The following SCEL variants were observed in gnomAD, a reference collection of about 807,000 sequenced individuals.
The protein encoded by SCEL is sciellin.
SCEL carries 113 observed loss-of-function variants against 117.6 expected under a neutral mutation model. The ratio of observed to expected loss-of-function variants is 0.96; its 90% CI spans 0.83 to 1.12. The LOEUF (loss-of-function observed/expected upper bound fraction) is 1.12. Ranked by LOEUF, SCEL falls within the 50% of genes most tolerant of loss-of-function variation. The probability of loss-of-function intolerance (pLI) is 0.00; values close to 1 mark genes in which losing one functional copy is unlikely to be tolerated. For synonymous variants in SCEL, 270 were observed against 256.2 expected, an observed-to-expected ratio of 1.05 and a Z score of -0.51; for missense variants, 785 against 810.8, an observed-to-expected ratio of 0.97 and a Z score of 0.39.
intron 12 of SCEL, among the ~76,000 whole-genome samples, chr13:77,596,109 G>C (rs1040795928): frequency 3.9e-5 from 6 of 152,148 alleles, no homozygotes; most frequent in African/African-American, 1.4e-4. Flanking sequence ...GAGGTGGGCA[G>C]ATCACCTGAG....
At chr13:77,632,257 C>T (rs759665691) in intron 28 of SCEL, among the ~76,000 whole-genome samples, 9 of 152,218 alleles carry the variant, frequency 5.9e-5, no homozygotes, top group Non-Finnish European at 1.0e-4. Context: ...ATTTTGCAAA[C>T]TGGTGATTTT....
intron 32 of SCEL, 139 bp downstream of exon 32, chr13:77,642,947 C>T (rs549923543): frequency 8.6e-5 from 42 of 489,904 alleles, no homozygotes; most frequent in Middle Eastern, 1.1e-3. Flanking sequence ...GATATTTATA[C>T]TATGGTAGTA....
chr13:77,548,613 G>T (rs2084124528), intron 1 of SCEL, among the ~76,000 whole-genome samples: 1 of 152,252 alleles, frequency 6.6e-6, no homozygotes, highest in Admixed American at 6.5e-5. Flanking sequence ...ACCTTGAGTT[G>T]TAAGAATTCC....
chr13:77,556,275 G>A (rs2084651337), intron 2 of SCEL, among the ~76,000 whole-genome samples: 1 of 152,106 alleles, frequency 6.6e-6, no homozygotes, highest in Admixed American at 6.5e-5. Flanking sequence ...TATTTCTTAT[G>A]GGGTAAAAAG....
At chr13:77,590,680 G>GT (rs980614766) in intron 10 of SCEL, among the ~76,000 whole-genome samples, 3 of 151,980 alleles carry the variant, frequency 2.0e-5, no homozygotes, top group African/African-American at 7.2e-5. Context: ...CAACTTGCAT[G>GT]TTTTTTTAAA....
chr13:77,634,706 T>A (rs1047382601), intron 29 of SCEL, among the ~76,000 whole-genome samples: 26 of 152,218 alleles, frequency 1.7e-4, no homozygotes, highest in African/African-American at 6.3e-4. Context: ...GGTTGCCATT[T>A]GAAAGTTCTC....
In SCEL at chr13:77,591,361, T is replaced by C. The variant is rs773829555; in HGVS notation, c.627-34T>C. ...ATTTATCAAAAAGTGTTTTCTTTTC[T>C]GACTGATATAATCTTCTAACTTTGA... On this transcript the variant is annotated intron_variant, in intron 10 of 32. Transcript: ENST00000349847. 6 of 1,278,712 alleles carry C rather than the reference T, an allele frequency of 4.7e-6. No individual in the cohort carries two copies. In the East Asian group the frequency reaches 6.9e-5, roughly 15 times the overall value. 79.2% of individuals were successfully genotyped at this position (1,278,712 alleles called of 1,614,324 possible). A position where few individuals can be genotyped will look rare whatever the true frequency, so the allele number is the denominator to read the frequency against.
chr13:77,572,210 G>GT, intron 9 of SCEL, 21 bp downstream of exon 9: 1 of 1,559,478 alleles, frequency 6.4e-7, no homozygotes, highest in East Asian at 2.2e-5. Context: ...GGTGTCAGGC[G>GT]TAATTGCTGT....
chr13:77,625,583 A>G (rs1457113053), intron 27 of SCEL, among the ~76,000 whole-genome samples: 1 of 152,198 alleles, frequency 6.6e-6, no homozygotes, highest in African/African-American at 2.4e-5. Context: ...AAAGTAATTT[A>G]CCCTAATTTC....
At chr13:77,596,594 G>T (rs867369004) in intron 12 of SCEL, among the ~76,000 whole-genome samples, 1 of 152,022 alleles carries the variant, frequency 6.6e-6, no homozygotes, top group African/African-American at 2.4e-5. Context: ...GTCCTGGATC[G>T]TACTCCATGT....
rs181361798 is a variant in SCEL, at chr13:77,549,114, T to C, written c.-19-6743T>C. ...ACCAGATCATATGGTAGTTCTACTT[T>C]TAGTTTTTTGAGAAATGTTCATACT... On this transcript the variant is annotated intron_variant, in intron 1 of 32. Transcript: ENST00000349847. Among the ~76,000 whole-genome samples, 20 of 152,316 alleles carry C rather than the reference T, an allele frequency of 1.3e-4. 1 individual carries two copies. In the East Asian group the frequency reaches 3.3e-3, roughly 25 times the overall value.
At position 77,556,697 on chromosome 13, in the gene SCEL, C is replaced by T. The variant is rs750532844; in HGVS notation, c.145C>T (p.Arg49Cys). 103 of 1,612,824 alleles carry T rather than the reference C, an allele frequency of 6.4e-5. No homozygotes were observed. The highest frequency in any genetic ancestry group is 1.7e-4 in the Admixed American group (10 of 59,992). The change falls in exon 3 of 33, where the codon CGC becomes TGC. Residue 49 changes from arginine (R) to cysteine (C), a missense_variant. Physicochemically the swap from Arg to Cys is radical, Grantham distance 180 (BLOSUM62 -3). Transcript: ENST00000349847. ...FLQDNSWIKK[R>C]PEEEKDENYG... is the part of the protein sequence containing the mutation. The stretch of plus-strand genomic sequence containing the variant: ...ACAGGATAACAGTTGGATAAAGAAA[C>T]GCCCTGAAGAAGAAAAGTAAGCTGG...
At chr13:77,560,250 G>A (rs1217212398) in intron 4 of SCEL, among the ~76,000 whole-genome samples, 1 of 140,768 alleles carries the variant, frequency 7.1e-6, no homozygotes, top group Non-Finnish European at 1.5e-5. Flanking sequence ...GGGCAACATG[G>A]CCAGACCCTG....
intron 9 of SCEL, 133 bp downstream of exon 9, chr13:77,572,322 G>C (rs1393631805): frequency 5.8e-6 from 4 of 690,206 alleles, no homozygotes; most frequent in South Asian, 4.9e-5. Flanking sequence ...CTGTACAGGA[G>C]AGTGTCCAGT....
At chr13:77,545,017 T>C (rs1393109477) in intron 1 of SCEL, among the ~76,000 whole-genome samples, 1 of 152,240 alleles carries the variant, frequency 6.6e-6, no homozygotes, top group Non-Finnish European at 1.5e-5. Context: ...GTTATGATTT[T>C]ACATCATAAT....
intron 10 of SCEL, 120 bp from the exon 11 acceptor site, chr13:77,591,275 A>G (rs1365300199): frequency 4.4e-6 from 3 of 685,346 alleles, no homozygotes; most frequent in East Asian, 5.5e-5. Context: ...TATCTCAGGT[A>G]GTGTTATGGT....
chr13:77,563,682 T>G, intron 4 of SCEL, 149 bp from the exon 5 acceptor site: 1 of 549,128 alleles, frequency 1.8e-6, no homozygotes, highest in Non-Finnish European at 3.1e-6. Flanking sequence ...GTTGGAAGAT[T>G]TGGGTATTAG....
At position 77,637,148 on chromosome 13, in the gene SCEL, A is replaced by T; in HGVS notation, c.1792A>T (p.Asn598Tyr). 2 of 1,557,798 alleles carry T rather than the reference A, an allele frequency of 1.3e-6. No individual in the cohort carries two copies. The highest frequency in any genetic ancestry group is 1.7e-6 in the Non-Finnish European group (2 of 1,151,988). ...SKSPKDGYQE[N>Y]ISGKYIQTVY... ...ATCACCCAAGGATGGATATCAGGAGAATATCTCTGGAAAATACATACAAAC... is the reference window on the plus strand; with the variant it reads ...ATCACCCAAGGATGGATATCAGGAGTATATCTCTGGAAAATACATACAAAC... The change falls in exon 30 of 33, where the codon AAT becomes TAT. Residue 598 changes from asparagine to tyrosine, a missense_variant. Transcript: ENST00000349847.
At chr13:77,578,299 A>G (rs923126606) in intron 9 of SCEL, among the ~76,000 whole-genome samples, 1 of 152,106 alleles carries the variant, frequency 6.6e-6, no homozygotes, top group African/African-American at 2.4e-5. Flanking sequence ...GAGAACCTCC[A>G]AAGGCAACTG....
Sources: gnomAD v4.1 joint callset for allele counts (sites outside exome capture counted in the v4.1 genomes callset) on GRCh38, gnomAD v4.1.1 for gene constraint, MANE v1.5 for transcripts, NCBI Gene and HGNC (gene_info 2026-07-23, HGNC 2026-07-21) for gene names.